ZIM2: variants seen among roughly 807,000 people sequenced by gnomAD.
ZIM2 encodes the protein zinc finger protein 656.
A neutral mutation model predicts 38.6 loss-of-function variants in ZIM2; 14 were observed. That is an observed-to-expected ratio of 0.36 (90% confidence interval 0.24 to 0.57). The LOEUF is 0.57. Ranked by LOEUF, ZIM2 falls within the 20% of genes least tolerant of loss-of-function variation. ZIM2 has a pLI of 0.81. For synonymous variants in ZIM2, 247 were observed against 245.8 expected (o/e 1.00, Z -0.04); for missense variants, 680 against 695.1 (o/e 0.98, Z 0.24).
chr19:56,830,032 G>C (rs1479558193), intron 2 of ZIM2, among the ~76,000 whole-genome samples: 12 of 152,300 alleles, frequency 7.9e-5, no homozygotes, highest in African/African-American at 2.6e-4. Flanking sequence ...ATCTGCCTGA[G>C]GATGGCCTAA....
At chr19:56,785,430 C>A (rs1004179873) in intron 10 of ZIM2, among the ~76,000 whole-genome samples, 74 of 151,810 alleles carry the variant, frequency 4.9e-4, no homozygotes, top group African/African-American at 1.7e-3. Context: ...ATCACAACCC[C>A]CATGAATTTT....
intron 3 of ZIM2, 48 bp from the exon 4 acceptor site, chr19:56,824,475 G>A (rs1048452080): frequency 1.3e-5 from 21 of 1,613,908 alleles, no homozygotes; most frequent in East Asian, 6.7e-5. Flanking sequence ...AGGGTCTTCC[G>A]AGGCCCAACA....
At chr19:56,836,694 CG>C (rs1041372941) in intron 1 of ZIM2, among the ~76,000 whole-genome samples, 54 of 152,242 alleles carry the variant, frequency 3.5e-4, no homozygotes, top group African/African-American at 1.2e-3. Context: ...AAAGGATGGG[CG>C]CAGTGACTCG....
At chr19:56,781,876 G>A (rs940869036) in intron 11 of ZIM2, 77 bp downstream of exon 11, 1 of 1,543,456 alleles carries the variant, frequency 6.5e-7, no homozygotes, top group African/African-American at 1.4e-5. Context: ...CACCATTACT[G>A]ATGAGAGGAC....
At chr19:56,817,041 A>C in intron 9 of ZIM2, 1 of 1,614,130 alleles carries the variant, frequency 6.2e-7, no homozygotes, top group African/African-American at 1.3e-5. Context: ...GGTGCTCAAC[A>C]AATTCTGAGA....
chr19:56,815,654 G>T (rs200424391), intron 9 of ZIM2: 2 of 1,614,044 alleles, frequency 1.2e-6, no homozygotes, highest in Non-Finnish European at 1.7e-6. Context: ...TGGTATTCAC[G>T]GACATTTGAG....
intron 9 of ZIM2, chr19:56,811,952 C>G (rs973525479): frequency 9.1e-6 from 9 of 985,336 alleles, no homozygotes; most frequent in Non-Finnish European, 1.1e-5. Context: ...GCTTCTTGCT[C>G]TCAGCTCTAC....
intron 7 of ZIM2, among the ~76,000 whole-genome samples, chr19:56,820,494 C>T (rs2060376953): frequency 6.6e-6 from 1 of 152,202 alleles, no homozygotes; most frequent in African/African-American, 2.4e-5. Flanking sequence ...CCCACACATG[C>T]CTCCAGCCTT....
chr19:56,782,322 GAGGGGGAAATATCCTTTTA>G (rs2046368734), intron 10 of ZIM2: 1 of 687,666 alleles, frequency 1.5e-6, no homozygotes, highest in Non-Finnish European at 2.3e-6. Flanking sequence ...GATTTGGGTT[GAGGGGGAAATATCCTTTTA>G]AGCCACTTTA....
chr19:56,774,795 G>T lies in ZIM2; in HGVS notation c.1570C>A (p.Pro524Thr), dbSNP rs781514751. 10 of 1,614,044 alleles carry T rather than the reference G, an allele frequency of 6.2e-6. No individual in the cohort carries two copies. The highest frequency in any genetic ancestry group is 2.7e-5 in the African/African-American group (2 of 74,920). The change falls in exon 13 of 13, where the codon CCT becomes ACT. Residue 524 changes from proline to threonine, a missense_variant. By Grantham distance (38) the Pro-to-Thr change is conservative. Transcript: ENST00000629319. ...TTCCCACATAGCTGACACTGGTAAG[G>T]CCTCTCTTGAGTGTGAGTTCTATAA... ...QHYRTHTQER[P>T]YQCQLCGKCF...
At chr19:56,816,385 T>A (rs962584406) in intron 9 of ZIM2, 1 of 1,614,100 alleles carries the variant, frequency 6.2e-7, no homozygotes, top group African/African-American at 1.3e-5. Context: ...ATCTGTAAAG[T>A]CACAGAGCTT....
intron 3 of ZIM2, among the ~76,000 whole-genome samples, chr19:56,825,567 C>CT (rs5828698): frequency 0.68 from 103,021 of 151,762 alleles, 37,306 homozygotes; most frequent in South Asian, 0.84. Context: ...TCAATCTCTC[C>CT]TTTTTTTTAT....
intron 9 of ZIM2, chr19:56,811,222 TAAGAA>T (rs1282995982): frequency 1.0e-6 from 1 of 967,010 alleles, no homozygotes; most frequent in African/African-American, 1.8e-5. Context: ...TCAAGAAATT[TAAGAA>T]AATAATGCTC....
chr19:56,792,111 C>G lies in ZIM2; in HGVS notation c.491-2160G>C, dbSNP rs1388580452. On this transcript the variant is annotated intron_variant, in intron 9 of 12. Coordinates refer to ENST00000629319, the MANE Select transcript of ZIM2 (RefSeq NM_001387356.1). ...GATAAGAAATGTGAGGCAAGGTGAA[C>G]AAAGCTGATACACTCAGAGAAATAG... 2.7e-5 allele frequency among the ~76,000 whole-genome samples: 4 copies of G among 146,550 alleles called. No individual in the cohort carries two copies. The East Asian group carries it at 8.1e-4, about 30-fold the overall frequency.
intron 7 of ZIM2, 67 bp downstream of exon 7, chr19:56,821,584 G>C: frequency 6.3e-7 from 1 of 1,585,670 alleles, no homozygotes; most frequent in East Asian, 2.2e-5. Context: ...ACCATCTGGG[G>C]AAAGAAAGGC....
chr19:56,813,666 C>T, intron 9 of ZIM2: 1 of 1,608,048 alleles, frequency 6.2e-7, no homozygotes, highest in Non-Finnish European at 8.5e-7. Context: ...TAACCTTTAC[C>T]CCATGCCCTC....
intron 9 of ZIM2, chr19:56,815,940 A>G (rs1328563507): frequency 1.2e-6 from 2 of 1,603,096 alleles, no homozygotes; most frequent in African/African-American, 2.7e-5. Context: ...AGCTATGGAT[A>G]ACAGACCTAC....
Position 56,795,028 on chromosome 19 carries a change from A to G in ZIM2, c.491-5077T>C, listed in dbSNP as rs544063735. Among the ~76,000 whole-genome samples, 5 of 152,098 alleles carry G rather than the reference A, an allele frequency of 3.3e-5. No individual in the cohort carries two copies. The South Asian group carries it at 6.2e-4, about 19-fold the overall frequency. On this transcript the variant is annotated intron_variant, in intron 9 of 12. Transcript: ENST00000629319. ...TTGTTCACGCCCTTTGTGCTTCTTT[A>G]CATTGGGGTGTTTCTTTTTTTTCTT...
chr19:56,814,082 C>A lies in ZIM2; in HGVS notation c.490+3664G>T. The A allele has an allele frequency of 6.2e-7, 1 of 1,614,176 alleles. No individual in the cohort carries two copies. Among genetic ancestry groups the A allele is most frequent in the Non-Finnish European group, 8.5e-7 (1 of 1,180,042 alleles). On this transcript the variant is annotated intron_variant, in intron 9 of 12. Transcript: ENST00000629319. This position sits in a 1 kb window ranked among gnomAD's most constrained non-coding sequence, Gnocchi z 5.8. The stretch of plus-strand genomic sequence containing the variant: ...TCTGGGTCTTCAATACCTGCACCAT[C>A]TGGCTCATCAGCATCCCCATTTGGC...
Sources: allele counts gnomAD v4.1 joint callset (sites outside exome capture counted in the v4.1 genomes callset), GRCh38; gene constraint gnomAD v4.1.1; non-coding constraint Gnocchi (gnomAD v3.1); transcripts MANE v1.5; gene names NCBI Gene and HGNC (gene_info 2026-07-23, HGNC 2026-07-21).